The following MTMR12 variants were observed in gnomAD, a reference collection of about 807,000 sequenced individuals.
MTMR12 encodes myotubularin related protein 12, also known as myotubularin-related protein 12.
Under a neutral mutation model 96.7 loss-of-function variants are expected in MTMR12, and 33 were observed. The observed-to-expected ratio is 0.34, with a 90% CI of 0.26 to 0.46. The LOEUF (loss-of-function observed/expected upper bound fraction) is 0.46. Ranked by LOEUF, MTMR12 falls within the 20% of genes least tolerant of loss-of-function variation. The pLI is 1.00. For missense variants in MTMR12, 721 were observed against 896.1 expected (o/e 0.80, Z 2.49); for synonymous variants, 298 against 327.2 (o/e 0.91, Z 0.96).
chr5:32,239,080 A>C lies in MTMR12; in HGVS notation c.1265T>G (p.Leu422Arg). The C allele has an allele frequency of 6.2e-7, 1 of 1,610,494 alleles. No homozygotes were observed. Among genetic ancestry groups the C allele is most frequent in the Non-Finnish European group, 8.5e-7 (1 of 1,178,416 alleles). ...ACCCATGACCCACTCCTTTTGGATG[A>C]GGCTCTGGAAACCAATTCTGGTTCT... ...HCRTRIGFQS[L>R]IQKEWVMGGH... The change falls in exon 13 of 16, where the codon CTC becomes CGC. Residue 422 changes from leucine to arginine, a missense_variant. Transcript: ENST00000382142.
At chr5:32,250,044 A>G (rs1301660593) in intron 8 of MTMR12, among the ~76,000 whole-genome samples, 2 of 152,230 alleles carry the variant, frequency 1.3e-5, no homozygotes, top group Admixed American at 6.5e-5. Flanking sequence ...TCTGCCAGGT[A>G]TAAACCATGT....
intron 8 of MTMR12, among the ~76,000 whole-genome samples, chr5:32,254,432 T>C (rs968710085): frequency 1.3e-5 from 2 of 152,166 alleles, no homozygotes; most frequent in Admixed American, 6.5e-5. Context: ...AAGTTTCCCT[T>C]CAGAATGTCC....
At chr5:32,270,745 GTAAGCAAAAAC>G (rs770388310) in intron 5 of MTMR12, 61 bp downstream of exon 5, 1 of 1,502,510 alleles carries the variant, frequency 6.7e-7, no homozygotes, top group Non-Finnish European at 9.0e-7. Flanking sequence ...TTCATGCAAC[GTAAGCAAAAAC>G]TAGAGCTAGT....
intron 12 of MTMR12, among the ~76,000 whole-genome samples, chr5:32,240,258 G>A (rs193149601): frequency 3.7e-4 from 56 of 152,208 alleles, no homozygotes; most frequent in African/African-American, 1.3e-3. Flanking sequence ...AATTAGCTGG[G>A]CATGGTGGTG....
chr5:32,266,747 A>G (rs1749614301), intron 6 of MTMR12, among the ~76,000 whole-genome samples: 1 of 151,636 alleles, frequency 6.6e-6, no homozygotes, highest in Non-Finnish European at 1.5e-5. Context: ...CAAAAAGTAC[A>G]TAGGACTCAG....
At chr5:32,282,614 C>A (rs1160682104) in intron 1 of MTMR12, among the ~76,000 whole-genome samples, 2 of 152,098 alleles carry the variant, frequency 1.3e-5, no homozygotes, top group Non-Finnish European at 2.9e-5. Context: ...TGCTTCCCCC[C>A]TCAAACAAAA....
chr5:32,309,133 C>G (rs554767725), intron 1 of MTMR12, among the ~76,000 whole-genome samples: 3 of 152,310 alleles, frequency 2.0e-5, no homozygotes, highest in Non-Finnish European at 2.9e-5. Context: ...GGAAATACAT[C>G]AGGCACTGTG....
At chr5:32,273,924 C>T (rs570703853) in intron 3 of MTMR12, 56 bp downstream of exon 3, 502 of 1,601,756 alleles carry the variant, frequency 3.1e-4, no homozygotes, top group African/African-American at 1.8e-3. Context: ...AAAAAGACAA[C>T]GGAACCACAA....
chr5:32,278,381 A>AT (rs202064723), intron 1 of MTMR12, among the ~76,000 whole-genome samples: 6,456 of 148,844 alleles, frequency 0.043, 448 homozygotes, highest in African/African-American at 0.15. Flanking sequence ...ATAAAATCAG[A>AT]TTTTTTTTTT....
chr5:32,302,678 A>G (rs1751199004), intron 1 of MTMR12, among the ~76,000 whole-genome samples: 1 of 151,738 alleles, frequency 6.6e-6, no homozygotes, highest in Non-Finnish European at 1.5e-5. Flanking sequence ...GATCATGCCA[A>G]TGCACTCTGC....
chr5:32,267,804 A>G (rs1749660316), intron 6 of MTMR12, among the ~76,000 whole-genome samples: 1 of 152,164 alleles, frequency 6.6e-6, no homozygotes, highest in African/African-American at 2.4e-5. Context: ...CTATAGTCTC[A>G]CATTCCTAGT....
At position 32,256,055 on chromosome 5, in the gene MTMR12, G is replaced by A. The variant is rs549255367; in HGVS notation, c.714-287C>T. The A allele has an allele frequency of 3.3e-5, 7 of 211,634 alleles. No individual in the cohort carries two copies. The South Asian group carries it at 8.3e-4, about 25-fold the overall frequency. The allele number at this position is 211,634 out of a possible 1,614,324, so 13.1% of individuals were successfully genotyped here. A position where few individuals can be genotyped will look rare whatever the true frequency, so the allele number is the denominator to read the frequency against. ...GTCTGTTTCCTCTTTCAAAAATGAG[G>A]GGATAGGAAAATATGATACCTAAAA... On this transcript the variant is annotated intron_variant, in intron 7 of 15. Coordinates refer to ENST00000382142, the MANE Select transcript of MTMR12 (RefSeq NM_001040446.3).
At chr5:32,262,977 G>C (rs1749426325) in intron 7 of MTMR12, 136 bp downstream of exon 7, 2 of 1,115,584 alleles carry the variant, frequency 1.8e-6, no homozygotes, top group Non-Finnish European at 2.5e-6. Flanking sequence ...AATGGGTATG[G>C]AGTTTCTTTT....
At chr5:32,276,781 G>T in intron 1 of MTMR12, 39 bp from the exon 2 acceptor site, 2 of 1,537,520 alleles carry the variant, frequency 1.3e-6, no homozygotes, top group South Asian at 2.2e-5. Flanking sequence ...CTTTGTTTAA[G>T]GGTTTAAAAT....
intron 4 of MTMR12, 96 bp downstream of exon 4, chr5:32,271,737 A>G (rs1380606048): frequency 1.3e-6 from 1 of 752,466 alleles, no homozygotes; most frequent in Non-Finnish European, 1.9e-6. Flanking sequence ...ATGTGAAAAA[A>G]TTTTTAAAAA....
intron 7 of MTMR12, among the ~76,000 whole-genome samples, chr5:32,256,630 C>G (rs1411241576): frequency 6.6e-6 from 1 of 152,216 alleles, no homozygotes; most frequent in Non-Finnish European, 1.5e-5. Flanking sequence ...CACTGTGAAG[C>G]TATAAGAATC....
intron 1 of MTMR12, among the ~76,000 whole-genome samples, chr5:32,309,185 G>A (rs1034831020): frequency 6.6e-6 from 1 of 152,176 alleles, no homozygotes; most frequent in East Asian, 1.9e-4. Flanking sequence ...TGTGCACTTG[G>A]TGGACGAAGA....
intron 1 of MTMR12, among the ~76,000 whole-genome samples, chr5:32,284,475 T>C (rs537576329): frequency 3.6e-4 from 55 of 152,284 alleles, no homozygotes; most frequent in Non-Finnish European, 6.6e-4. Context: ...TGTGAAGCCT[T>C]TTCAGAGAGA....
chr5:32,305,457 C>T (rs1163906478), intron 1 of MTMR12, among the ~76,000 whole-genome samples: 1 of 152,148 alleles, frequency 6.6e-6, no homozygotes, highest in Non-Finnish European at 1.5e-5. Context: ...ACCGCTAGGA[C>T]TAAGGCAGGA....
Sources: allele counts gnomAD v4.1 joint callset (sites outside exome capture counted in the v4.1 genomes callset), GRCh38; gene constraint gnomAD v4.1.1; transcripts MANE v1.5; gene names NCBI Gene and HGNC (gene_info 2026-07-23, HGNC 2026-07-21).